The following MIOS variants were observed in gnomAD, a reference collection of about 807,000 sequenced individuals.
MIOS encodes the protein GATOR2 complex protein MIOS.
MIOS carries 52 observed loss-of-function variants against 96.9 expected under a neutral mutation model. That is an observed-to-expected ratio of 0.54 (90% CI 0.43 to 0.68). MIOS has a LOEUF of 0.68. MIOS is among the 30% of genes least tolerant of loss of function. The pLI, the probability that MIOS is intolerant of heterozygous loss-of-function variation, is 0.00. For missense variants in MIOS, 1,005 were observed against 1,052.8 expected, an observed-to-expected ratio of 0.95 and a Z score of 0.63; for synonymous variants, 397 against 359.5, an observed-to-expected ratio of 1.10 and a Z score of -1.18.
At chr7:7,593,819 C>T (rs1784116567) in intron 9 of MIOS, among the ~76,000 whole-genome samples, 1 of 137,064 alleles carries the variant, frequency 7.3e-6, no homozygotes, top group African/African-American at 2.8e-5. Flanking sequence ...GCAGAGGTTG[C>T]AGTGAGCCGA....
intron 6 of MIOS, 51 bp from the exon 7 acceptor site, chr7:7,585,585 A>G: frequency 6.9e-7 from 1 of 1,450,410 alleles, no homozygotes; most frequent in South Asian, 1.4e-5. Flanking sequence ...AATGTAGAAG[A>G]GATATTAAGC....
intron 8 of MIOS, among the ~76,000 whole-genome samples, chr7:7,588,817 A>G (rs908949568): frequency 5.9e-5 from 9 of 152,128 alleles, no homozygotes; most frequent in African/African-American, 1.9e-4. Context: ...AAGATGTTAA[A>G]CTCACCTCTT....
intron 11 of MIOS, among the ~76,000 whole-genome samples, chr7:7,600,401 A>G (rs957702180): frequency 6.6e-6 from 1 of 152,184 alleles, no homozygotes; most frequent in African/African-American, 2.4e-5. Flanking sequence ...GGAAAACAAA[A>G]AAAGGCAGGC....
rs1446319880 is a variant in MIOS, at chr7:7,573,795, G to A, written c.1294+26G>A. 1 of 1,539,252 alleles carries A rather than the reference G, an allele frequency of 6.5e-7. No homozygotes were observed. Among genetic ancestry groups the A allele is most frequent in the South Asian group, 1.3e-5 (1 of 78,412 alleles). On this transcript the variant is annotated intron_variant, in intron 4 of 12. Coordinates refer to ENST00000340080, the MANE Select transcript of MIOS (RefSeq NM_019005.4). The surrounding 1 kb of genome is among the most constrained non-coding windows in gnomAD (Gnocchi z 5.0). ...ATATCCTTTTCATTGTGAATTTTGT[G>A]AGGTGAATCAGGTAGAAATGTTCTT...
intron 11 of MIOS, among the ~76,000 whole-genome samples, chr7:7,604,476 T>C (rs779015951): frequency 1.6e-4 from 25 of 152,334 alleles, no homozygotes; most frequent in Admixed American, 3.9e-4. Context: ...TGGTACCTAT[T>C]GTTCCAAGTG....
chr7:7,593,777 A>T (rs1243788813), intron 9 of MIOS, among the ~76,000 whole-genome samples: 4 of 149,036 alleles, frequency 2.7e-5, no homozygotes, highest in African/African-American at 9.9e-5. Flanking sequence ...AATCCCAGCT[A>T]CTCAAGCAGG....
chr7:7,606,102 T>G, intron 12 of MIOS, 31 bp downstream of exon 12: 1 of 1,611,972 alleles, frequency 6.2e-7, no homozygotes, highest in Non-Finnish European at 8.5e-7. Context: ...TTGATAGGCT[T>G]GGAGTTATGG....
At chr7:7,584,924 G>A (rs1017027936) in intron 6 of MIOS, among the ~76,000 whole-genome samples, 1 of 152,128 alleles carries the variant, frequency 6.6e-6, no homozygotes, top group South Asian at 2.1e-4. Flanking sequence ...TCTTGCAAAT[G>A]GGTCTAAATG....
intron 8 of MIOS, among the ~76,000 whole-genome samples, 170 bp downstream of exon 8, chr7:7,588,733 A>G (rs1012909007): frequency 1.3e-5 from 2 of 152,170 alleles, no homozygotes; most frequent in African/African-American, 2.4e-5. Flanking sequence ...TACCATAACT[A>G]AATTTATTTG....
At chr7:7,600,421 C>G (rs1784341415) in intron 11 of MIOS, among the ~76,000 whole-genome samples, 1 of 152,116 alleles carries the variant, frequency 6.6e-6, no homozygotes, top group Admixed American at 6.5e-5. Context: ...CGTTGCAATC[C>G]TGATCTCAGA....
rs1211524707 is a variant in MIOS, at chr7:7,572,760, T to A, written c.285T>A (p.Asp95Glu). ...GRVVLTSLGQ[D>E]HNSKFKDLIG... ...TTGTACTTACAAGCCTTGGTCAAGA[T>A]CATAACTCAAAGTTCAAAGATTTGA... The change falls in exon 4 of 13, where the codon GAT becomes GAA. Residue 95 changes from aspartate (D) to glutamate (E), a missense_variant. Physicochemically the swap from Asp to Glu is conservative, Grantham distance 45. Around this residue, in one of 3 missense-constraint regions of MIOS, gnomAD observed 137 missense variants for 148.6 expected, o/e 0.92. Transcript: ENST00000340080. This position sits in a 1 kb window ranked among gnomAD's most constrained non-coding sequence, Gnocchi z 4.8. The A allele has an allele frequency of 3.7e-6, 6 of 1,614,052 alleles. No homozygotes were observed. The highest frequency in any genetic ancestry group is 5.1e-6 in the Non-Finnish European group (6 of 1,179,996).
intron 9 of MIOS, among the ~76,000 whole-genome samples, chr7:7,593,887 AAAAAAAAAG>A (rs1193193272): frequency 4.8e-5 from 5 of 104,118 alleles, no homozygotes; most frequent in Middle Eastern, 4.3e-3. Context: ...TCCAAAAAAA[AAAAAAAAAG>A]AAAAAGAAAA....
At chr7:7,578,741 C>G (rs905435314) in intron 5 of MIOS, among the ~76,000 whole-genome samples, 2 of 151,580 alleles carry the variant, frequency 1.3e-5, no homozygotes, top group Non-Finnish European at 2.9e-5. Flanking sequence ...CAGAGTCTCT[C>G]TCTCTGTCAC....
rs1310448141 is a variant in MIOS at position 7,596,143 on chromosome 7, T to C, written c.2197-114T>C. ...ACCTTAGCAGATCAATTTTGAAATATAAAATAAAGTTTTTTAAAAGTATTT... is the reference window on the plus strand; with the variant it reads ...ACCTTAGCAGATCAATTTTGAAATACAAAATAAAGTTTTTTAAAAGTATTT... On this transcript the variant is annotated intron_variant, in intron 10 of 12. Transcript: ENST00000340080. 5 of 902,888 alleles carry C rather than the reference T, an allele frequency of 5.5e-6. No homozygotes were observed. The Admixed American group carries it at 1.2e-4, about 22-fold the overall frequency. The allele number at this position is 902,888 out of a possible 1,614,324, so 55.9% of individuals were successfully genotyped here. A position where few individuals can be genotyped will look rare whatever the true frequency, so the allele number is the denominator to read the frequency against.
intron 11 of MIOS, among the ~76,000 whole-genome samples, chr7:7,599,048 A>G (rs949942382): frequency 1.2e-4 from 18 of 152,148 alleles, no homozygotes; most frequent in Non-Finnish European, 1.9e-4. Flanking sequence ...TTGGTGTGCA[A>G]TAAGCATAGT....
rs1563040965 is a variant in MIOS, at chr7:7,597,498, AT to A, written c.2401+1038del. On this transcript the variant is annotated intron_variant, in intron 11 of 12. Transcript: ENST00000340080. The stretch of plus-strand genomic sequence containing the variant: ...TATATATATATATATATATATATAT[AT>A]ATATATATATATATATATGAAGGCA... 2.7e-3 allele frequency among the ~76,000 whole-genome samples: 190 copies of A among 69,284 alleles called. 22 individuals are homozygous for A. The highest frequency in any genetic ancestry group is 0.011 in the Admixed American group (65 of 6,120). 45.5% of individuals were successfully genotyped at this position (69,284 alleles called of 152,430 possible). A position where few individuals can be genotyped will look rare whatever the true frequency, so the allele number is the denominator to read the frequency against.
chr7:7,588,586 A>C (rs1783957955), intron 8 of MIOS, 23 bp downstream of exon 8: 1 of 1,477,576 alleles, frequency 6.8e-7, no homozygotes, highest in African/African-American at 1.4e-5. Flanking sequence ...TTAATTCCAC[A>C]TTTGAAGTAA....
rs1188760610 is a variant in MIOS, at chr7:7,577,790, T to C, written c.1393+3594T>C. 2.0e-5 allele frequency among the ~76,000 whole-genome samples: 3 copies of C among 151,546 alleles called. No homozygotes were observed. The East Asian group carries it at 5.8e-4, about 29-fold the overall frequency. On this transcript the variant is annotated intron_variant, in intron 5 of 12. Coordinates refer to ENST00000340080, the MANE Select transcript of MIOS (RefSeq NM_019005.4). The stretch of plus-strand genomic sequence containing the variant: ...CTGCTGTTGAGAAGGAGCAGGGAGG[T>C]CGTAGGAAGAGGATATGGAGAAGAG...
At chr7:7,585,944 CT>C (rs1347784772) in intron 7 of MIOS, 139 bp downstream of exon 7, 557 of 706,514 alleles carry the variant, frequency 7.9e-4, no homozygotes, top group East Asian at 1.2e-3. Context: ...GCATCTTGGG[CT>C]TTTTTTTTGA....
Sources: allele counts gnomAD v4.1 joint callset (sites outside exome capture counted in the v4.1 genomes callset), GRCh38; gene constraint gnomAD v4.1.1; regional missense constraint gnomAD v4.1.1; non-coding constraint Gnocchi (gnomAD v3.1); transcripts MANE v1.5; gene names NCBI Gene and HGNC (gene_info 2026-07-23, HGNC 2026-07-21).